The following CHCHD3 variants were observed in gnomAD, a reference collection of about 807,000 sequenced individuals.
The protein encoded by CHCHD3 is coiled-coil-helix-coiled-coil-helix domain containing 3.
CHCHD3 carries 20 observed loss-of-function variants against 38.2 expected under a neutral mutation model. The observed-to-expected ratio is 0.52, with a 90% CI of 0.37 to 0.76. The LOEUF (loss-of-function observed/expected upper bound fraction) is 0.76, where lower values mean the gene tolerates loss of function less well. Among genes scored for constraint, CHCHD3 ranks in the 30% least tolerant of loss-of-function variants. The pLI is 0.00. For synonymous variants in CHCHD3, 82 were observed against 100.0 expected (o/e 0.82, Z 1.07); for missense variants, 245 against 279.2 (o/e 0.88, Z 0.87).
chr7:133,018,694 A>G (rs1813092217), intron 3 of CHCHD3, among the ~76,000 whole-genome samples: 1 of 152,108 alleles, frequency 6.6e-6, no homozygotes, highest in Non-Finnish European at 1.5e-5. Context: ...TTTCAAAGAG[A>G]TAATTTAAGT....
intron 4 of CHCHD3, among the ~76,000 whole-genome samples, chr7:132,920,468 A>C (rs1810233064): frequency 6.6e-6 from 1 of 152,168 alleles, no homozygotes; most frequent in East Asian, 1.9e-4. Context: ...TCTGACATGC[A>C]AGTCCCCCAA....
intron 4 of CHCHD3, among the ~76,000 whole-genome samples, chr7:132,916,137 AC>A (rs1386650847): frequency 6.6e-6 from 1 of 152,038 alleles, no homozygotes; most frequent in Non-Finnish European, 1.5e-5. Flanking sequence ...TGGTTAAACA[AC>A]CCTTCTCATC....
At chr7:133,054,273 G>A (rs759421103) in intron 2 of CHCHD3, among the ~76,000 whole-genome samples, 2 of 152,008 alleles carry the variant, frequency 1.3e-5, no homozygotes, top group African/African-American at 4.8e-5. Flanking sequence ...ATCCAACAAC[G>A]ACATTCTGCT....
chr7:132,896,414 C>T (rs1209027725), intron 4 of CHCHD3, among the ~76,000 whole-genome samples: 1 of 152,098 alleles, frequency 6.6e-6, no homozygotes, highest in Non-Finnish European at 1.5e-5. Context: ...GAGAACAAGG[C>T]ATATTGTGAT....
In CHCHD3 at chr7:132,785,606, G is replaced by A. The variant is rs374685723; in HGVS notation, c.*31C>T. ...AAAATGTTCCATCTCTGGAATTAAC[G>A]TTGATGGTGTTTTGCTCATTCTGAA... On this transcript the variant is annotated 3_prime_UTR_variant, in exon 8 of 8. Transcript: ENST00000262570. The A allele has an allele frequency of 2.0e-5, 32 of 1,611,132 alleles. No individual in the cohort carries two copies. The highest frequency in any genetic ancestry group is 1.7e-4 in the Middle Eastern group (1 of 6,000).
intron 3 of CHCHD3, among the ~76,000 whole-genome samples, chr7:133,001,561 CTT>C (rs1812573116): frequency 6.6e-6 from 1 of 152,044 alleles, no homozygotes; most frequent in South Asian, 2.1e-4. Flanking sequence ...GAAAAAAAGT[CTT>C]CTTATTTCTC....
intron 7 of CHCHD3, among the ~76,000 whole-genome samples, chr7:132,792,561 C>T (rs1029448798): frequency 3.9e-5 from 6 of 152,166 alleles, no homozygotes; most frequent in Non-Finnish European, 7.4e-5. Flanking sequence ...GGCACAAATA[C>T]TGGAGGTCTC....
intron 3 of CHCHD3, among the ~76,000 whole-genome samples, chr7:132,992,976 T>G (rs1812322540): frequency 6.6e-6 from 1 of 152,218 alleles, no homozygotes; most frequent in Non-Finnish European, 1.5e-5. Context: ...GAGTAAGAGC[T>G]CAACAGAGAA....
intron 4 of CHCHD3, among the ~76,000 whole-genome samples, chr7:132,921,846 T>A (rs185982656): frequency 1.3e-4 from 20 of 152,306 alleles, no homozygotes; most frequent in Admixed American, 1.2e-3. Flanking sequence ...TCCCTACAGA[T>A]CTTATGATTT....
At chr7:132,858,033 G>C (rs1808386831) in intron 5 of CHCHD3, among the ~76,000 whole-genome samples, 1 of 152,088 alleles carries the variant, frequency 6.6e-6, no homozygotes. Context: ...ATTCAGAGTA[G>C]GGCTTTCTTC....
chr7:132,811,628 C>T (rs1019485238), intron 6 of CHCHD3, among the ~76,000 whole-genome samples: 2 of 152,218 alleles, frequency 1.3e-5, no homozygotes, highest in African/African-American at 2.4e-5. Flanking sequence ...TCAGAGGCCT[C>T]TAAGTGGTCA....
chr7:133,072,987 TC>T (rs1026782576), intron 1 of CHCHD3, among the ~76,000 whole-genome samples: 3 of 152,116 alleles, frequency 2.0e-5, no homozygotes, highest in Non-Finnish European at 4.4e-5. Flanking sequence ...CCTTCCCATT[TC>T]CACTTCCTGA....
chr7:132,899,910 G>A (rs889652340), intron 4 of CHCHD3, among the ~76,000 whole-genome samples: 4 of 152,136 alleles, frequency 2.6e-5, no homozygotes, highest in African/African-American at 9.7e-5. Flanking sequence ...AAGCAGCTAG[G>A]CCAGAGGAAA....
At chr7:133,055,364 G>GATTATAATTAATTATAATTATGTTATATA (rs1814288654) in intron 2 of CHCHD3, among the ~76,000 whole-genome samples, 1 of 143,266 alleles carries the variant, frequency 7.0e-6, no homozygotes, top group African/African-American at 2.5e-5. Context: ...TTATATATTT[G>GATTATAATTAATTATAATTATGTTATATA]ATTATAATTA....
At chr7:132,931,773 G>A (rs553617827) in intron 4 of CHCHD3, among the ~76,000 whole-genome samples, 19 of 152,252 alleles carry the variant, frequency 1.2e-4, no homozygotes, top group Admixed American at 5.9e-4. Context: ...AAATGAGCTT[G>A]TAAATTTTAA....
intron 2 of CHCHD3, among the ~76,000 whole-genome samples, chr7:133,062,843 A>C (rs1030703155): frequency 1.3e-5 from 2 of 152,164 alleles, no homozygotes; most frequent in Non-Finnish European, 2.9e-5. Flanking sequence ...TAGAAGCACC[A>C]ATGCAAAGTC....
chr7:132,855,428 T>C (rs548942130), intron 5 of CHCHD3, among the ~76,000 whole-genome samples: 1 of 152,296 alleles, frequency 6.6e-6, no homozygotes, highest in African/African-American at 2.4e-5. Flanking sequence ...ACACGTAAAG[T>C]TACACAGGTG....
chr7:133,040,383 G>A (rs72607797), intron 2 of CHCHD3, among the ~76,000 whole-genome samples: 11,236 of 152,128 alleles, frequency 0.074, 937 homozygotes, highest in East Asian at 0.21. Context: ...TTCTCTTCCC[G>A]CATGCAGTAA....
At chr7:132,843,331 A>G (rs1807991327) in intron 5 of CHCHD3, among the ~76,000 whole-genome samples, 1 of 152,194 alleles carries the variant, frequency 6.6e-6, no homozygotes, top group Admixed American at 6.5e-5. Context: ...AGGAAGCTGC[A>G]TTATTTACAA....
Sources: gnomAD v4.1 joint callset for allele counts (sites outside exome capture counted in the v4.1 genomes callset) on GRCh38, gnomAD v4.1.1 for gene constraint, MANE v1.5 for transcripts, NCBI Gene and HGNC (gene_info 2026-07-23, HGNC 2026-07-21) for gene names.